The following AOPEP variants were observed in gnomAD, a reference collection of about 807,000 sequenced individuals.
The protein encoded by AOPEP is aminopeptidase O.
In AOPEP, 77 loss-of-function variants were observed where a neutral mutation model predicts 98.1. The ratio of observed to expected loss-of-function variants is 0.78; its 90% CI spans 0.65 to 0.95. The LOEUF (loss-of-function observed/expected upper bound fraction) is 0.95, where lower values mean the gene tolerates loss of function less well. AOPEP is among the 40% of genes least tolerant of loss of function. AOPEP has a pLI of 0.00. For synonymous variants in AOPEP, 346 were observed against 365.3 expected, an observed-to-expected ratio of 0.95 and a Z score of 0.60; for missense variants, 1,024 against 1,024.7, an observed-to-expected ratio of 1.00 and a Z score of 0.01.
intron 5 of AOPEP, among the ~76,000 whole-genome samples, chr9:94,884,547 G>A (rs1005562460): frequency 5.9e-5 from 9 of 152,178 alleles, no homozygotes; most frequent in African/African-American, 1.9e-4. Context: ...GAGCAGGACC[G>A]CAGGGTGCCA....
At chr9:94,826,544 T>C (rs1389573131) in intron 5 of AOPEP, among the ~76,000 whole-genome samples, 1 of 152,234 alleles carries the variant, frequency 6.6e-6, no homozygotes, top group African/African-American at 2.4e-5. Context: ...TAGGTGGGTC[T>C]GTTTTTGTAC....
rs1164742981 is a variant in AOPEP, at chr9:94,899,179, C to CTTTTT, written c.1365-24788_1365-24784dup. Among the ~76,000 whole-genome samples, 293 of 59,742 alleles carry CTTTTT rather than the reference C, an allele frequency of 4.9e-3. 14 individuals carry two copies. Among genetic ancestry groups the CTTTTT allele is most frequent in the Middle Eastern group, 0.028 (1 of 36 alleles). 39.2% of individuals were successfully genotyped at this position (59,742 alleles called of 152,430 possible). On this transcript the variant is annotated intron_variant, in intron 5 of 16. Transcript: ENST00000375315. ...GGAAGATAATTTGCCTCTTCATTTGCTTTTTTTTTTTTTTTTTTTTTTTGA... is the reference window on the plus strand; with the variant it reads ...GGAAGATAATTTGCCTCTTCATTTGCTTTTTTTTTTTTTTTTTTTTTTTTTTTTGA...
intron 5 of AOPEP, among the ~76,000 whole-genome samples, chr9:94,885,919 T>A (rs1203599937): frequency 1.3e-5 from 2 of 152,192 alleles, no homozygotes; most frequent in East Asian, 3.8e-4. Flanking sequence ...GAAAAGGATA[T>A]AATTGTATGA....
intron 11 of AOPEP, among the ~76,000 whole-genome samples, chr9:94,986,344 A>G (rs1353444942): frequency 1.3e-5 from 2 of 152,254 alleles, no homozygotes; most frequent in Non-Finnish European, 2.9e-5. Flanking sequence ...AACTCCAATA[A>G]TACAGTTGCA....
intron 5 of AOPEP, among the ~76,000 whole-genome samples, chr9:94,896,809 C>CT (rs1350621785): frequency 6.6e-6 from 1 of 151,622 alleles, no homozygotes; most frequent in Non-Finnish European, 1.5e-5. Flanking sequence ...CTGGTAAAAA[C>CT]TAAGGAATTC....
chr9:94,791,458 A>G (rs1268525441), intron 3 of AOPEP, among the ~76,000 whole-genome samples: 1 of 151,898 alleles, frequency 6.6e-6, no homozygotes, highest in African/African-American at 2.4e-5. Context: ...GCTTGAGCCC[A>G]GGAGTTCAAG....
the AOPEP span, among the ~76,000 whole-genome samples, chr9:95,143,974 C>T: frequency 2.0e-5 from 3 of 152,334 alleles, no homozygotes; most frequent in East Asian, 5.8e-4. Context: ...TATATGACTG[C>T]ATTTGGAAGC....
the AOPEP span, among the ~76,000 whole-genome samples, chr9:95,108,301 C>T: frequency 6.6e-6 from 1 of 152,360 alleles, no homozygotes; most frequent in South Asian, 2.1e-4. Flanking sequence ...CAGGGCAGGC[C>T]TCACTCTCCC....
chr9:95,082,595 C>T lies in AOPEP; in HGVS notation c.2340C>T (p.Tyr780=), dbSNP rs777818142. ...QEDQAMGVYL[Y]GELMVSEDAR... ...TGCAGGCCATGGGTGTGTACCTCTA[C>T]GGGGAGCTGATGGTGAGTGAGGACG... Residue 780 remains tyrosine, a synonymous_variant, in exon 16 of 17, where the codon TAC becomes TAT. Transcript: ENST00000375315. 21 of 1,614,160 alleles carry T rather than the reference C, an allele frequency of 1.3e-5. No homozygotes were observed. The Middle Eastern group carries it at 6.6e-4, about 51-fold the overall frequency.
At chr9:94,968,276 T>C (rs1251148880) in intron 10 of AOPEP, among the ~76,000 whole-genome samples, 3 of 152,136 alleles carry the variant, frequency 2.0e-5, no homozygotes, top group African/African-American at 4.8e-5. Context: ...TGAGATGGAG[T>C]GTCACTCTGT....
chr9:95,147,034 T>A, the AOPEP span, among the ~76,000 whole-genome samples: 1 of 150,454 alleles, frequency 6.6e-6, no homozygotes, highest in Non-Finnish European at 1.5e-5. Flanking sequence ...TTTGTATGTA[T>A]ATATACAGTG....
At chr9:94,756,976 C>G (rs1588070198) in intron 1 of AOPEP, among the ~76,000 whole-genome samples, 1 of 152,200 alleles carries the variant, frequency 6.6e-6, no homozygotes, top group African/African-American at 2.4e-5. Context: ...TAGCCTTCAT[C>G]AGTAGCGATA....
chr9:94,791,449 CT>C (rs1169315327), intron 3 of AOPEP, among the ~76,000 whole-genome samples: 2 of 151,570 alleles, frequency 1.3e-5, no homozygotes, highest in Non-Finnish European at 2.9e-5. Context: ...GGGAGGACTG[CT>C]TGAGCCCAGG....
chr9:94,964,537 G>A (rs1008284329), intron 9 of AOPEP, among the ~76,000 whole-genome samples: 1 of 151,580 alleles, frequency 6.6e-6, no homozygotes, highest in African/African-American at 2.4e-5. Flanking sequence ...CCATATAATT[G>A]AGCATAAATT....
At position 95,015,821 on chromosome 9, in the gene AOPEP, C is replaced by CA. The variant is rs200891116; in HGVS notation, c.2115+10209dup. Among the ~76,000 whole-genome samples the CA allele has an allele frequency of 5.2e-3, 796 of 152,276 alleles. 14 individuals are homozygous for CA. The highest frequency in any genetic ancestry group is 0.043 in the South Asian group (207 of 4,820). On this transcript the variant is annotated intron_variant, in intron 13 of 16. Coordinates refer to ENST00000375315, the MANE Select transcript of AOPEP (RefSeq NM_001193329.3). ...TCGAGGATACCATAATTTGTATTCT[C>CA]AAAATCCAGATTGCCTTCATGAGCA...
rs572069753 is a variant in AOPEP at position 94,776,711 on chromosome 9, T to C, written c.964+3543T>C. On this transcript the variant is annotated intron_variant, in intron 3 of 16. Transcript: ENST00000375315. ...AATAAGGAATTGGATGGGTATTTAC[T>C]CCATTATCCTTCCGCACCCATATTC... Among the ~76,000 whole-genome samples the C allele has an allele frequency of 2.0e-5, 3 of 152,348 alleles. No homozygotes were observed. The East Asian group carries it at 5.8e-4, about 29-fold the overall frequency.
chr9:95,097,833 G>C, the AOPEP span, among the ~76,000 whole-genome samples: 1 of 152,170 alleles, frequency 6.6e-6, no homozygotes, highest in Non-Finnish European at 1.5e-5. Context: ...TTTAGGAGGA[G>C]GCTTGAAGAC....
intron 11 of AOPEP, among the ~76,000 whole-genome samples, chr9:94,995,222 G>A (rs1356190455): frequency 1.3e-5 from 2 of 152,092 alleles, no homozygotes; most frequent in African/African-American, 2.4e-5. Flanking sequence ...TTATTATGAC[G>A]TCACAACTCA....
At chr9:95,087,829 T>C (rs1204998695), downstream of AOPEP, among the ~76,000 whole-genome samples, 1 of 152,198 alleles carries the variant, frequency 6.6e-6, no homozygotes, top group Admixed American at 6.5e-5. Flanking sequence ...GGTGCAGCCA[T>C]GGGCCCTGTG....
Sources: gnomAD v4.1 joint callset for allele counts (sites outside exome capture counted in the v4.1 genomes callset) on GRCh38, gnomAD v4.1.1 for gene constraint, MANE v1.5 for transcripts, NCBI Gene and HGNC (gene_info 2026-07-23, HGNC 2026-07-21) for gene names.